SERPINI1: variants seen among roughly 807,000 people sequenced by gnomAD.
SERPINI1 encodes the protein neuroserpin.
SERPINI1 carries 19 observed loss-of-function variants against 41.1 expected under a neutral mutation model. That is an observed-to-expected ratio of 0.46 (90% CI 0.32 to 0.68). The LOEUF is 0.68. SERPINI1 is among the 30% of genes least tolerant of loss of function. SERPINI1 has a pLI of 0.03. For missense variants in SERPINI1, 460 were observed against 479.2 expected (o/e 0.96, Z 0.37); for synonymous variants, 138 against 156.6 (o/e 0.88, Z 0.89).
chr3:167,786,070 G>A (rs754720402), intron 1 of SERPINI1, among the ~76,000 whole-genome samples: 5 of 152,178 alleles, frequency 3.3e-5, no homozygotes, highest in Non-Finnish European at 7.4e-5. Flanking sequence ...CTACAAACTT[G>A]TACAGCATGT....
chr3:167,807,116 A>C (rs1178322991), intron 5 of SERPINI1, 128 bp from the exon 6 acceptor site: 4 of 695,576 alleles, frequency 5.8e-6, no homozygotes, highest in Non-Finnish European at 1.0e-5. Context: ...ATTGCAGTCA[A>C]AAGCCAGTTT....
chr3:167,772,835 T>TCC (rs1560002490), intron 1 of SERPINI1, among the ~76,000 whole-genome samples: 5 of 21,058 alleles, frequency 2.4e-4, no homozygotes, highest in Non-Finnish European at 3.4e-4. Flanking sequence ...TCTCTCTCTC[T>TCC]CTCTCTCTCT....
chr3:167,746,721 T>C (rs889679156), intron 1 of SERPINI1, among the ~76,000 whole-genome samples: 3 of 152,134 alleles, frequency 2.0e-5, no homozygotes, highest in African/African-American at 2.4e-5. Context: ...TCACACAAAC[T>C]AGGATGACTA....
At chr3:167,770,341 A>C (rs1444271150) in intron 1 of SERPINI1, among the ~76,000 whole-genome samples, 1 of 152,032 alleles carries the variant, frequency 6.6e-6, no homozygotes, top group East Asian at 1.9e-4. Context: ...TTAACACAAA[A>C]ATATATTGTT....
At chr3:167,797,321 A>G (rs1008033257) in intron 5 of SERPINI1, among the ~76,000 whole-genome samples, 1 of 152,092 alleles carries the variant, frequency 6.6e-6, no homozygotes, top group Non-Finnish European at 1.5e-5. Context: ...TGATAGTTTC[A>G]TTGCTGCGCA....
intron 1 of SERPINI1, among the ~76,000 whole-genome samples, chr3:167,744,790 A>ATATATATATAATATATAAATATAGT (rs1725807859): frequency 1.8e-5 from 1 of 54,964 alleles, no homozygotes; most frequent in African/African-American, 9.6e-5. Context: ...AACTATGGTT[A>ATATATATATAATATATAAATATAGT]TATATATATA....
intron 3 of SERPINI1, among the ~76,000 whole-genome samples, chr3:167,791,096 A>G (rs144898397): frequency 6.6e-6 from 1 of 152,274 alleles, no homozygotes; most frequent in African/African-American, 2.4e-5. Flanking sequence ...AAGTCCCCCA[A>G]AATGGAGAGA....
chr3:167,810,019 A>T (rs1711811210), intron 6 of SERPINI1, among the ~76,000 whole-genome samples: 1 of 152,164 alleles, frequency 6.6e-6, no homozygotes, highest in Non-Finnish European at 1.5e-5. Context: ...CCAGTATGCC[A>T]TCCACCCTAA....
chr3:167,758,850 A>G (rs1404581806), intron 1 of SERPINI1, among the ~76,000 whole-genome samples: 1 of 152,228 alleles, frequency 6.6e-6, no homozygotes, highest in Non-Finnish European at 1.5e-5. Flanking sequence ...TGAAGGATAT[A>G]TGGGAACTCT....
intron 5 of SERPINI1, among the ~76,000 whole-genome samples, chr3:167,799,438 AT>A (rs1244960738): frequency 6.6e-6 from 1 of 152,186 alleles, no homozygotes; most frequent in African/African-American, 2.4e-5. Flanking sequence ...TATCCAGTCT[AT>A]CACTGATGGA....
At chr3:167,814,148 C>A (rs1711989309) in intron 6 of SERPINI1, among the ~76,000 whole-genome samples, 2 of 152,188 alleles carry the variant, frequency 1.3e-5, no homozygotes, top group Admixed American at 1.3e-4. Context: ...GTTATACTTA[C>A]TATACCCTGA....
chr3:167,765,047 A>G (rs1453318507), intron 1 of SERPINI1, among the ~76,000 whole-genome samples: 1 of 152,156 alleles, frequency 6.6e-6, no homozygotes, highest in Non-Finnish European at 1.5e-5. Flanking sequence ...ACAAGCTAGC[A>G]TTGAGTGTCT....
At position 167,790,284 on chromosome 3, in the gene SERPINI1, C is replaced by T. The variant is rs1476975229; in HGVS notation, c.251-88C>T. 4.1e-6 allele frequency: 4 copies of T among 984,526 alleles called. No homozygotes were observed. In the Admixed American group the frequency reaches 5.5e-5, roughly 13 times the overall value. 61.0% of individuals were successfully genotyped at this position (984,526 alleles called of 1,614,324 possible). ...CCCCAGGTGCCTGTTTGGTTAATCTCCCTTGCTGTGCTTTAATGCTCCTCC... is the reference window on the plus strand; with the variant it reads ...CCCCAGGTGCCTGTTTGGTTAATCTTCCTTGCTGTGCTTTAATGCTCCTCC... On this transcript the variant is annotated intron_variant, in intron 2 of 8. Coordinates refer to ENST00000446050, the MANE Select transcript of SERPINI1 (RefSeq NM_001122752.2).
intron 1 of SERPINI1, among the ~76,000 whole-genome samples, chr3:167,753,428 T>C (rs1489985436): frequency 6.6e-6 from 1 of 152,108 alleles, no homozygotes; most frequent in Non-Finnish European, 1.5e-5. Flanking sequence ...ATAAGGGTGG[T>C]AAATAAAGAA....
chr3:167,794,950 G>GTTCTTCTCCTTCTCT lies in SERPINI1; in HGVS notation c.881+131_881+145dup, dbSNP rs71176664. 62,438 of 719,000 alleles carry GTTCTTCTCCTTCTCT rather than the reference G, an allele frequency of 0.087. 3,791 individuals carry two copies. Among genetic ancestry groups the GTTCTTCTCCTTCTCT allele is most frequent in the African/African-American group, 0.2 (11,227 of 55,740 alleles). 44.5% of individuals were successfully genotyped at this position (719,000 alleles called of 1,614,324 possible). ...CTTGTGCCACTCTCTTCTTATTCTT[G>GTTCTTCTCCTTCTCT]TTCTTCTCCTTCTCTTTCTCCTTCT... is the stretch of plus-strand genomic sequence containing the variant. On this transcript the variant is annotated intron_variant, in intron 5 of 8. Transcript: ENST00000446050.
At chr3:167,739,878 A>G (rs920562592) in intron 1 of SERPINI1, among the ~76,000 whole-genome samples, 5 of 152,232 alleles carry the variant, frequency 3.3e-5, no homozygotes, top group African/African-American at 9.6e-5. Context: ...GATAAGACCT[A>G]TACAATTCTA....
At position 167,766,264 on chromosome 3, in the gene SERPINI1, C is replaced by A. The variant is rs574932284; in HGVS notation, c.-18-22847C>A. Among the ~76,000 whole-genome samples, 105 of 151,980 alleles carry A rather than the reference C, an allele frequency of 6.9e-4. No individual in the cohort carries two copies. The Middle Eastern group carries it at 0.01, about 15-fold the overall frequency. On this transcript the variant is annotated intron_variant, in intron 1 of 8. Coordinates refer to ENST00000446050, the MANE Select transcript of SERPINI1 (RefSeq NM_001122752.2). ...AAAAGATTTAATGGACTTCCAGTCC[C>A]ACATGACTGGAGAGGCTTCACAATC...
At chr3:167,741,978 A>G (rs1433940359) in intron 1 of SERPINI1, among the ~76,000 whole-genome samples, 3 of 152,176 alleles carry the variant, frequency 2.0e-5, no homozygotes, top group South Asian at 2.1e-4. Context: ...ATCTAAGGCA[A>G]CAAAGTTTGT....
rs757392194 is a variant in SERPINI1, at chr3:167,790,514, T to C, written c.393T>C (p.Tyr131=). 2.5e-6 allele frequency: 4 copies of C among 1,613,938 alleles called. No individual in the cohort carries two copies. Among genetic ancestry groups the C allele is most frequent in the Non-Finnish European group, 8.5e-7 (1 of 1,179,948 alleles). ...NEEFLQMMKK[Y]FNAAVNHVDF... ...AGTTTTTGCAAATGATGAAAAAATA[T>C]TTTAATGCAGCAGTAAATCATGTGG... The change falls in exon 3 of 9, where the codon TAT becomes TAC. Residue 131 remains tyrosine, a synonymous_variant. Coordinates refer to ENST00000446050, the MANE Select transcript of SERPINI1 (RefSeq NM_001122752.2).
Sources: gnomAD v4.1 joint callset for allele counts (sites outside exome capture counted in the v4.1 genomes callset) on GRCh38, gnomAD v4.1.1 for gene constraint, MANE v1.5 for transcripts, NCBI Gene and HGNC (gene_info 2026-07-23, HGNC 2026-07-21) for gene names.